Variants in ANKRD36C observed in about 807,000 individuals in gnomAD.
ANKRD36C encodes ankyrin repeat domain-containing protein 36C.
ANKRD36C carries 61 observed loss-of-function variants against 276.4 expected under a neutral mutation model. The observed-to-expected ratio is 0.22, with a 90% CI of 0.18 to 0.27. ANKRD36C has a LOEUF of 0.27. ANKRD36C is among the 10% of genes least tolerant of loss of function. The pLI, the probability that ANKRD36C is intolerant of heterozygous loss-of-function variation, is 1.00. For missense variants in ANKRD36C, 1,447 were observed against 2,032.3 expected (o/e 0.71, Z 5.54); for synonymous variants, 483 against 680.1 (o/e 0.71, Z 4.51).
exon 12 of ANKRD36C, chr2:95,958,625 G>T (rs1393383800): frequency 1.3e-6 from 2 of 1,546,254 alleles, no homozygotes; most frequent in African/African-American, 2.7e-5. Context: ...TTATTTCTGT[G>T]GCTGTGTTCG....
chr2:95,855,394 C>G (rs2950726), exon 63 of ANKRD36C: 24 of 1,613,300 alleles, frequency 1.5e-5, no homozygotes, highest in Admixed American at 6.7e-5. Context: ...TGAAGGTTTT[C>G]TACTCTAGCA....
chr2:95,875,161 C>A (rs1253127581), intron 59 of ANKRD36C, among the ~76,000 whole-genome samples: 4 of 152,082 alleles, frequency 2.6e-5, no homozygotes, highest in Non-Finnish European at 5.9e-5. Context: ...ACCATTTGAC[C>A]CTGCCATCCC....
rs527601640 is a variant in ANKRD36C, at chr2:95,856,640, T to C, written c.4081-460A>G. 5.3e-5 allele frequency among the ~76,000 whole-genome samples: 8 copies of C among 152,304 alleles called. No individual in the cohort carries two copies. The South Asian group carries it at 1.7e-3, about 32-fold the overall frequency. Reference sequence around the variant, plus strand: ...AGTTCTCTTTTTCTAAAATATTGTATAGATATTCTACTTTTCTAATATTGT... The same window carrying C: ...AGTTCTCTTTTTCTAAAATATTGTACAGATATTCTACTTTTCTAATATTGT... On this transcript the variant is annotated intron_variant, in intron 62 of 66. Transcript: ENST00000456556.
At chr2:95,957,733 A>G (rs1440186015) in intron 12 of ANKRD36C, among the ~76,000 whole-genome samples, 1 of 152,254 alleles carries the variant, frequency 6.6e-6, no homozygotes, top group African/African-American at 2.4e-5. Context: ...CAATTAAAGA[A>G]TTTAACATTA....
exon 50 of ANKRD36C, chr2:95,887,952 T>C (rs1293030272): frequency 6.3e-7 from 1 of 1,598,482 alleles, no homozygotes; most frequent in East Asian, 2.3e-5. Flanking sequence ...CCATCCTTTA[T>C]TTCTGTGGGT....
chr2:95,898,085 A>T (rs1465337058), intron 44 of ANKRD36C, among the ~76,000 whole-genome samples: 6 of 148,976 alleles, frequency 4.0e-5, no homozygotes, highest in African/African-American at 2.5e-5. Context: ...TCTTGTATCC[A>T]CTAGTTTAGC....
At chr2:95,957,119 C>T (rs1330430839) in intron 12 of ANKRD36C, among the ~76,000 whole-genome samples, 1 of 151,638 alleles carries the variant, frequency 6.6e-6, no homozygotes, top group African/African-American at 2.4e-5. Context: ...AGTTCGAAAC[C>T]AACCTGGCCA....
intron 58 of ANKRD36C, among the ~76,000 whole-genome samples, chr2:95,880,189 AAAAACAAAACAAAACAAAAAAC>A (rs1676045044): frequency 6.6e-6 from 1 of 151,854 alleles, no homozygotes; most frequent in South Asian, 2.1e-4. Context: ...TCCAAAAACA[AAAAACAAAACAAAACAAAAAAC>A]AAAACAAAAC....
chr2:95,985,100 A>T (rs1242041248), intron 3 of ANKRD36C, among the ~76,000 whole-genome samples: 2 of 152,256 alleles, frequency 1.3e-5, no homozygotes, highest in African/African-American at 4.8e-5. Context: ...AGAGACTCAG[A>T]GTCCTGAAAG....
chr2:95,985,279 AG>A (rs1266343910), intron 3 of ANKRD36C, among the ~76,000 whole-genome samples: 2 of 152,248 alleles, frequency 1.3e-5, no homozygotes, highest in East Asian at 1.9e-4. Flanking sequence ...GACAGGTAAA[AG>A]TCAGGCCAAT....
intron 54 of ANKRD36C, among the ~76,000 whole-genome samples, chr2:95,883,224 A>G (rs1176974713): frequency 6.6e-6 from 1 of 152,154 alleles, no homozygotes; most frequent in Non-Finnish European, 1.5e-5. Context: ...ACATACTTAT[A>G]CAAAATAAAG....
intron 36 of ANKRD36C, among the ~76,000 whole-genome samples, chr2:95,917,575 C>T (rs1369151854): frequency 6.6e-6 from 1 of 151,526 alleles, no homozygotes; most frequent in Non-Finnish European, 1.5e-5. Context: ...CAAAACTATG[C>T]TGTTCCCCAG....
In ANKRD36C at chr2:95,925,340, T is replaced by C; in HGVS notation, c.2041+12A>G. ...GAGTGCACATGACATTAAATGTGTATTGCCAAATTACCTGTTCCAGATTTC... is the reference window on the plus strand; with the variant it reads ...GAGTGCACATGACATTAAATGTGTACTGCCAAATTACCTGTTCCAGATTTC... On this transcript the variant is annotated intron_variant, in intron 30 of 66. Transcript: ENST00000456556. The C allele has an allele frequency of 5.1e-6, 8 of 1,572,836 alleles. No homozygotes were observed. The highest frequency in any genetic ancestry group is 5.2e-6 in the Non-Finnish European group (6 of 1,158,908).
At chr2:95,980,689 T>C in exon 5 of ANKRD36C, 3 of 1,612,804 alleles carry the variant, frequency 1.9e-6, no homozygotes, top group South Asian at 2.2e-5. Flanking sequence ...CTGCAAGCTT[T>C]CCATACACAT....
chr2:95,863,783 G>A (rs1316629599), intron 60 of ANKRD36C, among the ~76,000 whole-genome samples: 5 of 152,094 alleles, frequency 3.3e-5, no homozygotes, highest in Non-Finnish European at 1.5e-5. Context: ...TCAGGAAAAG[G>A]CAAAACTATG....
intron 30 of ANKRD36C, among the ~76,000 whole-genome samples, chr2:95,924,180 T>A (rs1294377807): frequency 2.0e-5 from 3 of 151,676 alleles, no homozygotes; most frequent in Non-Finnish European, 4.4e-5. Flanking sequence ...ACACTTCATG[T>A]CTCTTAAGTG....
chr2:95,948,171 T>C (rs1265412509), intron 17 of ANKRD36C, among the ~76,000 whole-genome samples: 1 of 152,214 alleles, frequency 6.6e-6, no homozygotes, highest in Non-Finnish European at 1.5e-5. Context: ...TTATTAGTCA[T>C]ACTCATATGA....
rs186140311 is a variant in ANKRD36C at position 95,919,601 on chromosome 2, A to C, written c.2246-1559T>G. The C allele has an allele frequency of 6.4e-3, 2,982 of 463,490 alleles. 382 individuals are homozygous for C. The highest frequency in any genetic ancestry group is 0.019 in the Admixed American group (239 of 12,746). The allele number at this position is 463,490 out of a possible 1,614,324, so 28.7% of individuals were successfully genotyped here. Reference sequence around the variant, plus strand: ...CCAAGAAATTTATTACAAATGAAAAATCTCAGGCCTGCTGAATCAGAATGT... The same window carrying C: ...CCAAGAAATTTATTACAAATGAAAACTCTCAGGCCTGCTGAATCAGAATGT... On this transcript the variant is annotated intron_variant, in intron 34 of 66. Coordinates refer to ENST00000456556, the Ensembl canonical transcript of ANKRD36C.
chr2:95,927,231 C>T (rs1395697393), exon 28 of ANKRD36C: 2 of 1,610,038 alleles, frequency 1.2e-6, no homozygotes, highest in Admixed American at 3.3e-5. Flanking sequence ...AGATTGTTGT[C>T]CCTCCTTTAT....
Sources: gnomAD v4.1 joint callset for allele counts (sites outside exome capture counted in the v4.1 genomes callset) on GRCh38, gnomAD v4.1.1 for gene constraint, MANE v1.5 for transcripts, NCBI Gene and HGNC (gene_info 2026-07-23, HGNC 2026-07-21) for gene names.